The following MAG variants were observed in gnomAD, a reference collection of about 807,000 sequenced individuals.
MAG encodes the protein myelin associated glycoprotein.
MAG carries 30 observed loss-of-function variants against 60.7 expected under a neutral mutation model. The ratio of observed to expected loss-of-function variants is 0.49; its 90% CI spans 0.37 to 0.67. MAG has a LOEUF of 0.67. Ranked by LOEUF, MAG falls within the 30% of genes least tolerant of loss-of-function variation. The pLI is 0.00. For missense variants in MAG, 795 were observed against 851.7 expected (o/e 0.93, Z 0.83); for synonymous variants, 384 against 376.8 (o/e 1.02, Z -0.22).
intron 9 of MAG, among the ~76,000 whole-genome samples, chr19:35,311,219 A>G (rs2066524535): frequency 6.6e-6 from 1 of 152,000 alleles, no homozygotes; most frequent in Non-Finnish European, 1.5e-5. Flanking sequence ...CTGTAGTCCC[A>G]GCTACTTGGG....
chr19:35,309,874 T>C lies in MAG; in HGVS notation c.1232T>C (p.Phe411Ser). ...CTCAGACCTGATTTTGCCCCTGCAGTCGCCCCTGTGCTCCTCCTGGAGTCC... is the reference window on the plus strand; with the variant it reads ...CTCAGACCTGATTTTGCCCCTGCAGCCGCCCCTGTGCTCCTCCTGGAGTCC... ...RATAFNLSVE[F>S]APVLLLESHC... The change falls in exon 8 of 11, where the codon TTC (phenylalanine) becomes TCC (serine). Residue 411 changes from phenylalanine to serine, a missense_variant and splice_region_variant. Coordinates refer to ENST00000392213, the MANE Select transcript of MAG (RefSeq NM_002361.4). 1 of 1,605,592 alleles carries C rather than the reference T, an allele frequency of 6.2e-7. No homozygotes were observed. The highest frequency in any genetic ancestry group is 8.5e-7 in the Non-Finnish European group (1 of 1,176,352).
rs2066543261 is a variant in MAG at position 35,313,376 on chromosome 19, C to T, written c.1803C>T (p.Asp601=). 1.2e-6 allele frequency: 2 copies of T among 1,613,978 alleles called. No homozygotes were observed. Among genetic ancestry groups the T allele is most frequent in the African/African-American group, 1.3e-5 (1 of 74,898 alleles). The part of the protein sequence containing the change: ...PELDLSYSHS[D]LGKRPTKDSY... ...TGGACCTGAGCTATTCTCACTCGGACCTGGGGAAACGGCCCACCAAGGACA... is the reference window on the plus strand; with the variant it reads ...TGGACCTGAGCTATTCTCACTCGGATCTGGGGAAACGGCCCACCAAGGACA... Residue 601 remains aspartate, a synonymous_variant, in exon 11 of 11, where the codon GAC becomes GAT. Transcript: ENST00000392213.
rs546785460 is a variant in MAG at position 35,301,472 on chromosome 19, G to A, written c.971-976G>A. On this transcript the variant is annotated intron_variant, in intron 6 of 10. Coordinates refer to ENST00000392213, the MANE Select transcript of MAG (RefSeq NM_002361.4). ...TTTTGAGACAGAGTCTGGCTCTGTC[G>A]CCAGGCTGGAAGGCAATGGAGCAAT... Among the ~76,000 whole-genome samples, 18 of 129,418 alleles carry A rather than the reference G, an allele frequency of 1.4e-4. No homozygotes were observed. In the South Asian group the frequency reaches 2.2e-3, roughly 16 times the overall value. The allele number at this position is 129,418 out of a possible 152,430, so 84.9% of individuals were successfully genotyped here.
At chr19:35,312,910 G>T (rs1216191814) in intron 10 of MAG, among the ~76,000 whole-genome samples, 1 of 152,100 alleles carries the variant, frequency 6.6e-6, no homozygotes, top group African/African-American at 2.4e-5. Context: ...GTGTTGGCAG[G>T]TGCCTGTAAT....
intron 7 of MAG, 154 bp from the exon 8 acceptor site, chr19:35,309,720 G>T: frequency 1.2e-6 from 1 of 819,936 alleles, no homozygotes; most frequent in Non-Finnish European, 1.9e-6. Flanking sequence ...CTCTCAGTCA[G>T]GACAGAGAAA....
chr19:35,299,042 AC>A (rs755546039), intron 4 of MAG, among the ~76,000 whole-genome samples: 1 of 116,380 alleles, frequency 8.6e-6, no homozygotes, highest in Non-Finnish European at 2.0e-5. Flanking sequence ...ACACACCCAC[AC>A]CACACACACA....
chr19:35,293,311 G>A lies in MAG; in HGVS notation c.-79-924G>A, dbSNP rs759128303. ...TGTGTGTGTGTGTGCTGAATGCCAG[G>A]GCTGTGTCTGTCCAGGTGTGTGTGG... On this transcript the variant is annotated intron_variant, in intron 1 of 10. Transcript: ENST00000392213. The surrounding 1 kb of genome is among the most constrained non-coding windows in gnomAD (Gnocchi z 4.0). Among the ~76,000 whole-genome samples, 53 of 151,520 alleles carry A rather than the reference G, an allele frequency of 3.5e-4. No individual in the cohort carries two copies. The highest frequency in any genetic ancestry group is 6.8e-4 in the Non-Finnish European group (46 of 67,926).
At chr19:35,304,212 C>T (rs957392604) in intron 7 of MAG, among the ~76,000 whole-genome samples, 60 of 152,262 alleles carry the variant, frequency 3.9e-4, no homozygotes, top group Admixed American at 2.0e-3. Context: ...TGTTCCCTAG[C>T]GGGGCTGATG....
Position 35,313,561 on chromosome 19 carries a change from G to C in MAG, c.*107G>C, listed in dbSNP as rs200619743. On this transcript the variant is annotated 3_prime_UTR_variant, in exon 11 of 11. Coordinates refer to ENST00000392213, the MANE Select transcript of MAG (RefSeq NM_002361.4). ...AAAGTATCGGGGGCTGGGGCAGGAG[G>C]GGAGTGAGGCAGGTGACAGTGAGGT... The C allele has an allele frequency of 1.7e-5, 20 of 1,207,028 alleles. No individual in the cohort carries two copies. The highest frequency in any genetic ancestry group is 2.3e-5 in the Non-Finnish European group (20 of 886,224). The allele number at this position is 1,207,028 out of a possible 1,614,324, so 74.8% of individuals were successfully genotyped here.
intron 7 of MAG, among the ~76,000 whole-genome samples, chr19:35,308,514 T>C (rs1176391864): frequency 6.6e-6 from 1 of 152,162 alleles, no homozygotes; most frequent in African/African-American, 2.4e-5. Flanking sequence ...GGAGGATTGC[T>C]TGAGCTCAGG....
At chr19:35,305,753 G>A (rs992918000) in intron 7 of MAG, among the ~76,000 whole-genome samples, 1 of 152,170 alleles carries the variant, frequency 6.6e-6, no homozygotes. Flanking sequence ...CCAGGAGTTC[G>A]AGACCAGCCT....
At chr19:35,299,490 G>A in intron 4 of MAG, 64 bp from the exon 5 acceptor site, 1 of 1,173,934 alleles carries the variant, frequency 8.5e-7, no homozygotes, top group Non-Finnish European at 1.2e-6. Context: ...AGGGTGGGTG[G>A]GGTGGGACCG....
At chr19:35,305,647 G>A (rs944038399) in intron 7 of MAG, among the ~76,000 whole-genome samples, 3 of 152,072 alleles carry the variant, frequency 2.0e-5, no homozygotes, top group Admixed American at 1.3e-4. Context: ...TTACCACAAA[G>A]ATGGCTGTGA....
At position 35,295,618 on chromosome 19, in the gene MAG, C is replaced by G; in HGVS notation, c.52C>G (p.Arg18Gly). ...PLFWIMISAS[R>G]GGHWGAWMPS... ...GCTCTCCTGCTTGCCCGCAGCCTCC[C>G]GAGGGGGTCACTGGGGTGCCTGGAT... Residue 18 changes from arginine (R) to glycine (G), a missense_variant, in exon 4 of 11, where the codon CGA becomes GGA. Coordinates refer to ENST00000392213, the MANE Select transcript of MAG (RefSeq NM_002361.4). The surrounding 1 kb of genome is among the most constrained non-coding windows in gnomAD (Gnocchi z 5.8). 6.2e-7 allele frequency: 1 copy of G among 1,604,518 alleles called. No individual in the cohort carries two copies. The highest frequency in any genetic ancestry group is 8.5e-7 in the Non-Finnish European group (1 of 1,176,668).
chr19:35,309,825 G>A, intron 7 of MAG, 49 bp from the exon 8 acceptor site: 2 of 1,578,238 alleles, frequency 1.3e-6, no homozygotes, highest in South Asian at 1.1e-5. Flanking sequence ...CCGGGGCCGG[G>A]CCTCGCGTTG....
chr19:35,296,605 A>G (rs1300097288), intron 4 of MAG, among the ~76,000 whole-genome samples: 4 of 152,120 alleles, frequency 2.6e-5, no homozygotes, highest in Non-Finnish European at 5.9e-5. Context: ...AGACATGGCA[A>G]TCAGAATAGG....
At position 35,300,281 on chromosome 19, in the gene MAG, G is replaced by T; in HGVS notation, c.847G>T (p.Ala283Ser). Reference protein sequence around the residue: ...WMRDGTVLREAVAESLLLELE... With the variant: ...WMRDGTVLRESVAESLLLELE... ...GCGGGACGGGACAGTCCTCCGGGAG[G>T]CGGTGGCCGAGAGCCTGCTCCTGGA... The change falls in exon 6 of 11, where the codon GCG becomes TCG. Residue 283 changes from alanine to serine, a missense_variant. Physicochemically the swap from Ala to Ser is moderately conservative, Grantham distance 99. Transcript: ENST00000392213. 2 of 1,599,378 alleles carry T rather than the reference G, an allele frequency of 1.3e-6. No homozygotes were observed. Among genetic ancestry groups the T allele is most frequent in the Non-Finnish European group, 1.7e-6 (2 of 1,178,806 alleles).
At position 35,293,946 on chromosome 19, in the gene MAG, G is replaced by T. The variant is rs2066376854; in HGVS notation, c.-79-289G>T. Among the ~76,000 whole-genome samples, 1 of 152,000 alleles carries T rather than the reference G, an allele frequency of 6.6e-6. No homozygotes were observed. The highest frequency in any genetic ancestry group is 1.5e-5 in the Non-Finnish European group (1 of 67,988). On this transcript the variant is annotated intron_variant, in intron 1 of 10. Coordinates refer to ENST00000392213, the MANE Select transcript of MAG (RefSeq NM_002361.4). This position sits in a 1 kb window ranked among gnomAD's most constrained non-coding sequence, Gnocchi z 4.0. ...TGCCCGCCACCCCCAGGCCCCGGCCGTGGGACATCTGCTCCCTCACTCCAC... is the reference window on the plus strand; with the variant it reads ...TGCCCGCCACCCCCAGGCCCCGGCCTTGGGACATCTGCTCCCTCACTCCAC...
chr19:35,309,859 A>C lies in MAG; in HGVS notation c.1232-15A>C. On this transcript the variant is annotated splice_polypyrimidine_tract_variant and intron_variant, in intron 7 of 10. Coordinates refer to ENST00000392213, the MANE Select transcript of MAG (RefSeq NM_002361.4). ...TGGCTCCGGGCCACCCTCAGACCTGATTTTGCCCCTGCAGTCGCCCCTGTG... is the reference window on the plus strand; with the variant it reads ...TGGCTCCGGGCCACCCTCAGACCTGCTTTTGCCCCTGCAGTCGCCCCTGTG... 1 of 1,601,172 alleles carries C rather than the reference A, an allele frequency of 6.2e-7. No homozygotes were observed. The highest frequency in any genetic ancestry group is 1.1e-5 in the South Asian group (1 of 90,936).
Sources: allele counts gnomAD v4.1 joint callset (sites outside exome capture counted in the v4.1 genomes callset), GRCh38; gene constraint gnomAD v4.1.1; non-coding constraint Gnocchi (gnomAD v3.1); transcripts MANE v1.5; gene names NCBI Gene and HGNC (gene_info 2026-07-23, HGNC 2026-07-21).